The following TNS3 variants were observed in gnomAD, a reference collection of about 807,000 sequenced individuals.
TNS3 encodes tensin 3.
In TNS3, 45 loss-of-function variants were observed where a neutral mutation model predicts 140.9. The ratio of observed to expected loss-of-function variants is 0.32; its 90% CI spans 0.25 to 0.41. The LOEUF (loss-of-function observed/expected upper bound fraction) is 0.41, where lower values mean the gene tolerates loss of function less well. Among genes scored for constraint, TNS3 ranks in the 10% least tolerant of loss-of-function variants. The pLI, the probability that TNS3 is intolerant of heterozygous loss-of-function variation, is 1.00. For synonymous variants in TNS3, 815 were observed against 788.4 expected (o/e 1.03, Z -0.56); for missense variants, 1,716 against 1,906.7 (o/e 0.90, Z 1.86).
intron 4 of TNS3, among the ~76,000 whole-genome samples, chr7:47,461,226 C>T (rs1796478248): frequency 1.3e-5 from 2 of 152,200 alleles, no homozygotes; most frequent in African/African-American, 2.4e-5. Flanking sequence ...AGCAAAGCCA[C>T]ATTCATGTGT....
In TNS3 at chr7:47,368,240, G is replaced by A. The variant is rs993630725; in HGVS notation, c.2281+125C>T. On this transcript the variant is annotated intron_variant, in intron 17 of 30. Coordinates refer to ENST00000311160, the MANE Select transcript of TNS3 (RefSeq NM_022748.12). ...GCCAAAATTCACAAGAGTTGAAACT[G>A]CAAGGGAAATGTCCCTCCCTTGTGG... The A allele has an allele frequency of 7.8e-6, 8 of 1,027,678 alleles. No homozygotes were observed. In the African/African-American group the frequency reaches 1.3e-4, roughly 17 times the overall value. 63.7% of individuals were successfully genotyped at this position (1,027,678 alleles called of 1,614,324 possible). A position where few individuals can be genotyped will look rare whatever the true frequency, so the allele number is the denominator to read the frequency against.
rs1328815474 is a variant in TNS3 at position 47,368,393 on chromosome 7, C to G, written c.2253G>C (p.Glu751Asp). The G allele has an allele frequency of 8.0e-6, 12 of 1,503,168 alleles. No homozygotes were observed. The highest frequency in any genetic ancestry group is 2.8e-5 in the African/African-American group (2 of 71,498). 93.1% of individuals were successfully genotyped at this position (1,503,168 alleles called of 1,614,324 possible). ...RASSRLPDTG[E>D]GPSRATGRQG... The stretch of plus-strand genomic sequence containing the variant: ...GCCGCCCGGTGGCCCTGCTGGGGCC[C>G]TCTCCTGTGTCAGGCAGCCTGCTGC... Residue 751 changes from glutamate (E) to aspartate (D), a missense_variant, in exon 17 of 31, where the codon GAG becomes GAC. By Grantham distance (45) the Glu-to-Asp change is conservative. Transcript: ENST00000311160.
At chr7:47,324,669 T>C (rs1369368175) in intron 20 of TNS3, among the ~76,000 whole-genome samples, 1 of 152,140 alleles carries the variant, frequency 6.6e-6, no homozygotes, top group Non-Finnish European at 1.5e-5. Context: ...AGAGAATCAC[T>C]TGAACCTGGG....
At chr7:47,551,042 C>T (rs966875966) in intron 1 of TNS3, among the ~76,000 whole-genome samples, 1 of 152,242 alleles carries the variant, frequency 6.6e-6, no homozygotes, top group Non-Finnish European at 1.5e-5. Flanking sequence ...CAAGGAGGGG[C>T]TCAGCCTCTT....
intron 27 of TNS3, among the ~76,000 whole-genome samples, chr7:47,285,464 T>C (rs1429415051): frequency 1.3e-5 from 2 of 152,162 alleles, no homozygotes; most frequent in Non-Finnish European, 2.9e-5. Context: ...TAAAGGGTAG[T>C]TCCCCTGCAC....
At chr7:47,318,387 C>G (rs138728348) in intron 20 of TNS3, among the ~76,000 whole-genome samples, 1 of 152,324 alleles carries the variant, frequency 6.6e-6, no homozygotes, top group African/African-American at 2.4e-5. Context: ...TACATTTTCT[C>G]CTCTCTTGTT....
intron 4 of TNS3, among the ~76,000 whole-genome samples, chr7:47,466,064 C>T (rs1452363286): frequency 1.3e-5 from 2 of 152,004 alleles, no homozygotes; most frequent in Non-Finnish European, 2.9e-5. Flanking sequence ...CTCTGCCATA[C>T]GTGTTTTGGG....
At position 47,368,551 on chromosome 7, in the gene TNS3, T is replaced by C. The variant is rs375273859; in HGVS notation, c.2095A>G (p.Ile699Val). Residue 699 changes from isoleucine (I) to valine (V), a missense_variant, in exon 17 of 31, where the codon ATC becomes GTC. Ile to Val is a conservative substitution (Grantham distance 29, BLOSUM62 3). Around this residue, in one of 3 missense-constraint regions of TNS3, gnomAD observed 1,163 missense variants for 1,182.1 expected, o/e 0.98. Coordinates refer to ENST00000311160, the MANE Select transcript of TNS3 (RefSeq NM_022748.12). ...AGGATCAGCCTGTTGAGCTGCTCGA[T>C]GGACTGGTCGATGTCCAGGGTGGGC... ...GSPTLDIDQS[I>V]EQLNRLILEL... is the part of the protein sequence containing the mutation. 2.3e-5 allele frequency: 37 copies of C among 1,575,778 alleles called. No homozygotes were observed. Among genetic ancestry groups the C allele is most frequent in the Admixed American group, 5.2e-5 (3 of 57,272 alleles).
At chr7:47,311,228 T>C (rs575774686) in intron 20 of TNS3, among the ~76,000 whole-genome samples, 2 of 152,300 alleles carry the variant, frequency 1.3e-5, no homozygotes, top group South Asian at 4.1e-4. Context: ...CTCCAGCACC[T>C]GTTGTTTCCT....
At chr7:47,331,953 T>TC (rs1280433773) in intron 20 of TNS3, among the ~76,000 whole-genome samples, 1 of 152,210 alleles carries the variant, frequency 6.6e-6, no homozygotes, top group East Asian at 1.9e-4. Context: ...GGTAATGCCC[T>TC]CAAAGGCTCT....
intron 1 of TNS3, among the ~76,000 whole-genome samples, chr7:47,560,015 C>A (rs746744370): frequency 8.5e-5 from 13 of 152,136 alleles, no homozygotes; most frequent in Non-Finnish European, 1.0e-4. Context: ...CCTGCTCCAC[C>A]CCCGCAGGAC....
chr7:47,450,874 C>T (rs567619765), intron 4 of TNS3, among the ~76,000 whole-genome samples: 72 of 152,372 alleles, frequency 4.7e-4, no homozygotes, highest in Middle Eastern at 3.4e-3. Flanking sequence ...TGGTGGCTCA[C>T]ACCTGTAATC....
rs899845931 is a variant in TNS3 at position 47,278,194 on chromosome 7, T to C, written c.4220A>G (p.Gln1407Arg). 1 of 1,614,002 alleles carries C rather than the reference T, an allele frequency of 6.2e-7. No homozygotes were observed. Among genetic ancestry groups the C allele is most frequent in the Admixed American group, 1.7e-5 (1 of 59,994 alleles). ...GCACACATTATCCGTGGCACTGCCC[T>C]GCTTCCGGGCCACAAATCCAAAGAC... is the stretch of plus-strand genomic sequence containing the variant. Reference protein sequence around the residue: ...SKVFGFVARKQGSATDNVCHL... With the variant: ...SKVFGFVARKRGSATDNVCHL... Residue 1407 changes from glutamine to arginine, a missense_variant, in exon 31 of 31, where the codon CAG (glutamine) becomes CGG (arginine). Gln to Arg is a conservative substitution (Grantham distance 43, BLOSUM62 1). This residue lies in a region of TNS3 where 216 missense variants were observed against 295.7 expected (regional missense o/e 0.73). Transcript: ENST00000311160.
intron 3 of TNS3, among the ~76,000 whole-genome samples, chr7:47,500,566 C>G (rs1245390073): frequency 2.0e-5 from 3 of 152,204 alleles, no homozygotes; most frequent in Non-Finnish European, 4.4e-5. Context: ...ACAGCGCTGA[C>G]TGAGTGGCAT....
intron 1 of TNS3, among the ~76,000 whole-genome samples, chr7:47,530,834 A>ATATATATATATAT (rs1554350205): frequency 2.6e-4 from 8 of 30,824 alleles, no homozygotes; most frequent in South Asian, 1.5e-3. Flanking sequence ...AAAAAAAAAA[A>ATATATATATATAT]AAAAATATAT....
intron 3 of TNS3, among the ~76,000 whole-genome samples, chr7:47,498,616 G>A (rs1179227218): frequency 6.6e-6 from 1 of 152,184 alleles, no homozygotes; most frequent in Non-Finnish European, 1.5e-5. Flanking sequence ...TGTTTCAAAA[G>A]ATCATAATTC....
chr7:47,319,113 C>T (rs1037125980), intron 20 of TNS3, among the ~76,000 whole-genome samples: 1 of 152,230 alleles, frequency 6.6e-6, no homozygotes, highest in Admixed American at 6.5e-5. Flanking sequence ...TTTTGTCCTA[C>T]AACCACTGTC....
intron 4 of TNS3, among the ~76,000 whole-genome samples, chr7:47,456,725 C>A (rs1796261863): frequency 6.6e-6 from 1 of 152,074 alleles, no homozygotes; most frequent in African/African-American, 2.4e-5. Context: ...GCAGGCCCGG[C>A]AAGCACACAC....
chr7:47,425,549 A>AGGGGCTGTGCTGGT (rs1794602358), intron 9 of TNS3, among the ~76,000 whole-genome samples: 1 of 152,164 alleles, frequency 6.6e-6, no homozygotes, highest in Non-Finnish European at 1.5e-5. Flanking sequence ...TTGCTAGGCA[A>AGGGGCTGTGCTGGT]GGGGCTGTGC....
Sources: allele counts gnomAD v4.1 joint callset (sites outside exome capture counted in the v4.1 genomes callset), GRCh38; gene constraint gnomAD v4.1.1; regional missense constraint gnomAD v4.1.1; transcripts MANE v1.5; gene names NCBI Gene and HGNC (gene_info 2026-07-23, HGNC 2026-07-21).